Variants in RCAN3 observed in about 807,000 individuals in gnomAD.
RCAN3 encodes the protein calcipressin-3.
Under a neutral mutation model 21.9 loss-of-function variants are expected in RCAN3, and 19 were observed. The observed-to-expected ratio is 0.87, with a 90% CI of 0.61 to 1.27. The LOEUF (loss-of-function observed/expected upper bound fraction) is 1.27, where lower values mean the gene tolerates loss of function less well. Ranked by LOEUF, RCAN3 falls within the 50% of genes most tolerant of loss-of-function variation. The pLI is 0.00. For missense variants in RCAN3, 240 were observed against 300.1 expected (o/e 0.80, Z 1.48); for synonymous variants, 114 against 112.3 (o/e 1.01, Z -0.09).
intron 2 of RCAN3, among the ~76,000 whole-genome samples, chr1:24,514,968 C>CAA (rs36023468): frequency 7.3e-6 from 1 of 136,760 alleles, no homozygotes; most frequent in Non-Finnish European, 1.6e-5. Context: ...GACTCTGTCT[C>CAA]AAAAAAAAAA....
rs769120431 is a variant in RCAN3, at chr1:24,533,262, ACTT to A, written c.541+11_541+13del. The A allele has an allele frequency of 2.0e-6, 3 of 1,518,234 alleles. No homozygotes were observed. In the African/African-American group the frequency reaches 4.2e-5, roughly 21 times the overall value. 94.0% of individuals were successfully genotyped at this position (1,518,234 alleles called of 1,614,324 possible). Reference sequence around the variant, plus strand: ...TTTCCAAATTGGGACCAGGTAATAAACTTCTATTTTTCCTATTTTCTTCCCCAA... The same window carrying A: ...TTTCCAAATTGGGACCAGGTAATAAACTATTTTTCCTATTTTCTTCCCCAA... On this transcript the variant is annotated intron_variant, in intron 4 of 4. Transcript: ENST00000374395.
chr1:24,516,671 C>A (rs1332195313), intron 2 of RCAN3, among the ~76,000 whole-genome samples: 1 of 152,156 alleles, frequency 6.6e-6, no homozygotes, highest in Non-Finnish European at 1.5e-5. Flanking sequence ...CGGAGGGTTT[C>A]TGAGCACAGA....
At chr1:24,533,032 G>A (rs751382988) in intron 3 of RCAN3, 51 bp from the exon 4 acceptor site, 2 of 1,199,120 alleles carry the variant, frequency 1.7e-6, no homozygotes, top group South Asian at 3.0e-5. Flanking sequence ...TGAAAATGAA[G>A]AAAACATAGC....
At chr1:24,513,634 GC>G (rs1648072986) in intron 1 of RCAN3, among the ~76,000 whole-genome samples, 2 of 152,282 alleles carry the variant, frequency 1.3e-5, no homozygotes, top group South Asian at 4.1e-4. Flanking sequence ...TCCAGCCTGG[GC>G]AACACAACAC....
At chr1:24,510,082 A>T (rs1459641469) in intron 1 of RCAN3, among the ~76,000 whole-genome samples, 1 of 152,234 alleles carries the variant, frequency 6.6e-6, no homozygotes, top group Non-Finnish European at 1.5e-5. Flanking sequence ...CTTAAAACGT[A>T]CAGTAAACCA....
intron 2 of RCAN3, among the ~76,000 whole-genome samples, chr1:24,519,151 T>C (rs1648581379): frequency 6.6e-6 from 1 of 152,128 alleles, no homozygotes; most frequent in African/African-American, 2.4e-5. Flanking sequence ...CTTCAAGTGA[T>C]CTGCCCATCT....
chr1:24,535,029 GAC>G lies in RCAN3; in HGVS notation c.542-62_542-61del, dbSNP rs1478275358. ...AGGAGTAGAACAAAAAGTTGCAAGG[GAC>G]AAAAGAGTTCTTTTTGCTGGAAGTG... On this transcript the variant is annotated intron_variant, in intron 4 of 4. Coordinates refer to ENST00000374395, the MANE Select transcript of RCAN3 (RefSeq NM_013441.4). The G allele has an allele frequency of 2.5e-5, 38 of 1,536,142 alleles. No individual in the cohort carries two copies. In the African/African-American group the frequency reaches 5.2e-4, roughly 21 times the overall value.
intron 2 of RCAN3, among the ~76,000 whole-genome samples, chr1:24,520,612 C>T (rs577173118): frequency 1.4e-5 from 2 of 144,156 alleles, no homozygotes; most frequent in African/African-American, 5.2e-5. Context: ...TGTTCTCACT[C>T]ATAGGTGGGA....
At chr1:24,515,814 A>G (rs1461435855) in intron 2 of RCAN3, among the ~76,000 whole-genome samples, 1 of 152,138 alleles carries the variant, frequency 6.6e-6, no homozygotes, top group Non-Finnish European at 1.5e-5. Flanking sequence ...GATGACAAGC[A>G]ATTATGTTAT....
chr1:24,533,316 T>G, intron 4 of RCAN3, 62 bp downstream of exon 4: 1 of 1,327,062 alleles, frequency 7.5e-7, no homozygotes, highest in Non-Finnish European at 1.0e-6. Context: ...AAGATCGTAT[T>G]CAGCAGTGTG....
rs1413098338 is a variant in RCAN3, at chr1:24,533,247, G to T, written c.534G>T (p.Leu178Phe). The change falls in exon 4 of 5, where the codon TTG (leucine) becomes TTT (phenylalanine). Residue 178 changes from leucine (L) to phenylalanine (F), a missense_variant. Transcript: ENST00000374395. ...ATTTACTCTGTGCTGTTTCCAAATT[G>T]GGACCAGGTAATAAACTTCTATTTT... ...NYDLLCAVSK[L>F]GPGEKYELHA... The T allele has an allele frequency of 7.8e-6, 12 of 1,546,448 alleles. No individual in the cohort carries two copies. Among genetic ancestry groups the T allele is most frequent in the African/African-American group, 4.2e-5 (3 of 71,808 alleles).
At chr1:24,523,384 G>A (rs768201284) in intron 2 of RCAN3, among the ~76,000 whole-genome samples, 10 of 151,914 alleles carry the variant, frequency 6.6e-5, no homozygotes, top group Non-Finnish European at 1.5e-4. Flanking sequence ...TCTTTAGAAC[G>A]GAATCTACAT....
At chr1:24,515,840 T>C (rs1648272253) in intron 2 of RCAN3, among the ~76,000 whole-genome samples, 1 of 152,116 alleles carries the variant, frequency 6.6e-6, no homozygotes, top group South Asian at 2.1e-4. Context: ...GGAATCTTAG[T>C]GCCTTTAGAA....
chr1:24,514,126 T>C (rs1337878375), intron 1 of RCAN3, among the ~76,000 whole-genome samples, 188 bp from the exon 2 acceptor site: 1 of 152,260 alleles, frequency 6.6e-6, no homozygotes, highest in African/African-American at 2.4e-5. Context: ...ACATAAAATA[T>C]GCTAAGCAAA....
At chr1:24,510,871 A>G (rs1336241889) in intron 1 of RCAN3, among the ~76,000 whole-genome samples, 1 of 152,168 alleles carries the variant, frequency 6.6e-6, no homozygotes, top group African/African-American at 2.4e-5. Flanking sequence ...GCTTCCTTTC[A>G]CTTGAACACT....
intron 1 of RCAN3, among the ~76,000 whole-genome samples, chr1:24,504,588 C>G (rs1225611555): frequency 1.3e-5 from 2 of 152,144 alleles, no homozygotes; most frequent in East Asian, 1.9e-4. Flanking sequence ...AGGTAACAGA[C>G]AAGAGCAGAT....
chr1:24,503,191 G>T (rs1201349875), intron 1 of RCAN3, 41 bp downstream of exon 1: 2 of 145,684 alleles, frequency 1.4e-5, no homozygotes, highest in East Asian at 2.0e-4. Context: ...GGGGCGGGTG[G>T]GGGGGGTGGT....
At chr1:24,518,982 G>T (rs1044077994) in intron 2 of RCAN3, among the ~76,000 whole-genome samples, 2 of 152,142 alleles carry the variant, frequency 1.3e-5, no homozygotes, top group African/African-American at 4.8e-5. Context: ...CACCCTGTTG[G>T]CCAGGCTGGT....
At chr1:24,531,005 G>A (rs966022745) in intron 2 of RCAN3, among the ~76,000 whole-genome samples, 4 of 152,052 alleles carry the variant, frequency 2.6e-5, no homozygotes, top group Non-Finnish European at 4.4e-5. Flanking sequence ...ATGAGACTCC[G>A]TCTCAAACAA....
Sources: allele counts gnomAD v4.1 joint callset (sites outside exome capture counted in the v4.1 genomes callset), GRCh38; gene constraint gnomAD v4.1.1; transcripts MANE v1.5; gene names NCBI Gene and HGNC (gene_info 2026-07-23, HGNC 2026-07-21).